Variants in ADAM22 observed in about 807,000 individuals in gnomAD.
ADAM22 encodes disintegrin and metalloproteinase domain-containing protein 22.
ADAM22 carries 65 observed loss-of-function variants against 144.6 expected under a neutral mutation model. The ratio of observed to expected loss-of-function variants is 0.45; its 90% confidence interval spans 0.37 to 0.55. The LOEUF (loss-of-function observed/expected upper bound fraction) is 0.55, where lower values mean the gene tolerates loss of function less well. Among genes scored for constraint, ADAM22 ranks in the 20% least tolerant of loss-of-function variants. The pLI is 0.00. For synonymous variants in ADAM22, 391 were observed against 412.6 expected (o/e 0.95, Z 0.63); for missense variants, 974 against 1,184.9 (o/e 0.82, Z 2.61).
Position 88,175,488 on chromosome 7 carries a change from A to C in ADAM22, c.2301-3447A>C, listed in dbSNP as rs148560295. Among the ~76,000 whole-genome samples, 1,520 of 152,334 alleles carry C rather than the reference A, an allele frequency of 1.0e-2. 16 individuals are homozygous for C. The highest frequency in any genetic ancestry group is 0.016 in the Non-Finnish European group (1,116 of 68,016). On this transcript the variant is annotated intron_variant, in intron 26 of 31. Coordinates refer to ENST00000413139, the MANE Select transcript of ADAM22 (RefSeq NM_001324418.2). ...TGCCAAAGTTGTACAGAGAAGAAAA[A>C]GACAACATGTAATTAATGTGGGGAG...
At chr7:88,094,502 A>C (rs1820744877) in intron 4 of ADAM22, among the ~76,000 whole-genome samples, 1 of 152,202 alleles carries the variant, frequency 6.6e-6, no homozygotes, top group Non-Finnish European at 1.5e-5. Flanking sequence ...TGAAAGTAGG[A>C]GGATGGTATT....
At position 88,103,688 on chromosome 7, in the gene ADAM22, T is replaced by C. The variant is rs372744710; in HGVS notation, c.391-4488T>C. ...TGTCTGATAAAGAGCCCAACTCTGA[T>C]AGGAAAAGCCCAAAAGGCTTTTCTC... On this transcript the variant is annotated intron_variant, in intron 4 of 31. Coordinates refer to ENST00000413139, the MANE Select transcript of ADAM22 (RefSeq NM_001324418.2). 5.3e-5 allele frequency among the ~76,000 whole-genome samples: 8 copies of C among 152,310 alleles called. No homozygotes were observed. The East Asian group carries it at 1.3e-3, about 26-fold the overall frequency.
intron 22 of ADAM22, among the ~76,000 whole-genome samples, chr7:88,159,839 T>TA (rs1258666632): frequency 1.3e-5 from 2 of 152,054 alleles, no homozygotes; most frequent in African/African-American, 4.8e-5. Flanking sequence ...CTTGAAAACT[T>TA]ACACAGGACA....
chr7:88,157,050 AAG>A, intron 22 of ADAM22, among the ~76,000 whole-genome samples: 1 of 152,282 alleles, frequency 6.6e-6, no homozygotes, highest in South Asian at 2.1e-4. Flanking sequence ...AACATTCAGA[AAG>A]AAAAAATTTA....
At chr7:88,108,568 A>C (rs1825120391) in intron 5 of ADAM22, among the ~76,000 whole-genome samples, 1 of 152,012 alleles carries the variant, frequency 6.6e-6, no homozygotes, top group Non-Finnish European at 1.5e-5. Flanking sequence ...GTCTCTACTA[A>C]AAATACAAAA....
At chr7:87,962,165 A>G (rs780392845) in intron 2 of ADAM22, among the ~76,000 whole-genome samples, 16 of 152,258 alleles carry the variant, frequency 1.1e-4, no homozygotes, top group Admixed American at 2.6e-4. Context: ...AAACAATGAT[A>G]GTGCTTGTAA....
chr7:88,055,119 A>G (rs1216083333), intron 3 of ADAM22, among the ~76,000 whole-genome samples: 1 of 151,914 alleles, frequency 6.6e-6, no homozygotes, highest in Admixed American at 6.6e-5. Flanking sequence ...ATATATATAT[A>G]TATCTTTTGT....
At chr7:88,091,111 A>T (rs890313750) in intron 4 of ADAM22, among the ~76,000 whole-genome samples, 3 of 152,278 alleles carry the variant, frequency 2.0e-5, no homozygotes, top group Admixed American at 2.0e-4. Context: ...CTGTAGAAAG[A>T]TTATGCTTTC....
At chr7:88,182,080 C>A (rs1165075959) in intron 29 of ADAM22, 56 bp downstream of exon 29, 2 of 1,450,346 alleles carry the variant, frequency 1.4e-6, no homozygotes, top group East Asian at 2.3e-5. Context: ...CAAATAGTGT[C>A]AAAAGTAAAT....
chr7:88,055,620 T>C (rs1808029925), intron 3 of ADAM22, among the ~76,000 whole-genome samples: 1 of 152,152 alleles, frequency 6.6e-6, no homozygotes, highest in African/African-American at 2.4e-5. Flanking sequence ...TTTAAAAATA[T>C]TAACCGCACC....
intron 18 of ADAM22, among the ~76,000 whole-genome samples, chr7:88,149,379 C>G (rs747410687): frequency 1.4e-4 from 22 of 152,160 alleles, no homozygotes; most frequent in Non-Finnish European, 2.5e-4. Context: ...GCTGATTGAA[C>G]AAGAAGTCAG....
chr7:87,999,926 A>T (rs1792129549), intron 3 of ADAM22, among the ~76,000 whole-genome samples: 1 of 151,994 alleles, frequency 6.6e-6, no homozygotes, highest in Non-Finnish European at 1.5e-5. Context: ...AGTGTTCCAT[A>T]ATTGCACCTG....
intron 4 of ADAM22, among the ~76,000 whole-genome samples, chr7:88,080,003 G>C (rs933224876): frequency 6.6e-6 from 1 of 152,164 alleles, no homozygotes; most frequent in Non-Finnish European, 1.5e-5. Flanking sequence ...AGACCTAATA[G>C]ACATCTACAG....
At chr7:88,009,606 A>AG (rs1794896107) in intron 3 of ADAM22, among the ~76,000 whole-genome samples, 10 of 110,592 alleles carry the variant, frequency 9.0e-5, no homozygotes, top group South Asian at 3.5e-4. Context: ...TAATAAAAAA[A>AG]AGTGCATTTA....
At chr7:87,967,677 G>A (rs1040920334) in intron 2 of ADAM22, among the ~76,000 whole-genome samples, 12 of 151,694 alleles carry the variant, frequency 7.9e-5, no homozygotes, top group South Asian at 2.1e-4. Context: ...GTATGGTGGC[G>A]TGTGCCTGTA....
intron 2 of ADAM22, among the ~76,000 whole-genome samples, chr7:87,971,034 T>G (rs1019586768): frequency 6.6e-6 from 1 of 152,152 alleles, no homozygotes; most frequent in African/African-American, 2.4e-5. Context: ...CTTTACCATA[T>G]CCATGTAATT....
chr7:87,976,272 C>G (rs948899246), intron 2 of ADAM22, among the ~76,000 whole-genome samples: 1 of 152,098 alleles, frequency 6.6e-6, no homozygotes, highest in African/African-American at 2.4e-5. Flanking sequence ...AACTCTAACC[C>G]CCAACATGAC....
At chr7:88,070,130 A>G (rs917717881) in intron 3 of ADAM22, among the ~76,000 whole-genome samples, 2 of 152,122 alleles carry the variant, frequency 1.3e-5, no homozygotes, top group Admixed American at 6.6e-5. Context: ...TTCTCTTAAG[A>G]ACTTCACAGG....
At chr7:88,146,047 C>T (rs780912335) in intron 17 of ADAM22, among the ~76,000 whole-genome samples, 1 of 152,144 alleles carries the variant, frequency 6.6e-6, no homozygotes, top group African/African-American at 2.4e-5. Flanking sequence ...TTTATGTTTT[C>T]ATCCTCCCAG....
Sources: allele counts gnomAD v4.1 joint callset (sites outside exome capture counted in the v4.1 genomes callset), GRCh38; gene constraint gnomAD v4.1.1; transcripts MANE v1.5; gene names NCBI Gene and HGNC (gene_info 2026-07-23, HGNC 2026-07-21).